The following RYR3 variants were observed in gnomAD, a reference collection of about 807,000 sequenced individuals.
The protein encoded by RYR3 is brain ryanodine receptor-calcium release channel.
Under a neutral mutation model 584.3 loss-of-function variants are expected in RYR3, and 207 were observed. The observed-to-expected ratio is 0.35, with a 90% confidence interval of 0.32 to 0.40. The LOEUF (loss-of-function observed/expected upper bound fraction) is 0.40, where lower values mean the gene tolerates loss of function less well. Among genes scored for constraint, RYR3 ranks in the 10% least tolerant of loss-of-function variants. The probability of loss-of-function intolerance (pLI) is 1.00; values close to 1 mark genes in which losing one functional copy is unlikely to be tolerated. For synonymous variants in RYR3, 2,416 were observed against 2,248.5 expected (o/e 1.07, Z -2.11); for missense variants, 5,616 against 6,089.2 (o/e 0.92, Z 2.59).
At chr15:33,521,410 G>A (rs1262509419) in intron 3 of RYR3, among the ~76,000 whole-genome samples, 3 of 152,080 alleles carry the variant, frequency 2.0e-5, no homozygotes, top group East Asian at 1.9e-4. Context: ...AGGAGATTGC[G>A]CCACCTTCTC....
intron 36 of RYR3, among the ~76,000 whole-genome samples, chr15:33,668,567 A>T (rs926480916): frequency 6.6e-6 from 1 of 152,238 alleles, no homozygotes; most frequent in Admixed American, 6.5e-5. Context: ...AACCTCACCA[A>T]TTAAGCATAA....
chr15:33,373,625 T>G (rs1158996941), intron 1 of RYR3, among the ~76,000 whole-genome samples: 2 of 152,238 alleles, frequency 1.3e-5, no homozygotes, highest in African/African-American at 4.8e-5. Flanking sequence ...AAAAATTGTT[T>G]GTTTGTTTGT....
At chr15:33,375,633 C>A (rs751582933) in intron 1 of RYR3, among the ~76,000 whole-genome samples, 4 of 152,170 alleles carry the variant, frequency 2.6e-5, no homozygotes, top group Non-Finnish European at 5.9e-5. Context: ...GTGATCAGAG[C>A]AAGCCCAGAT....
At chr15:33,429,846 C>T (rs1007568022) in intron 1 of RYR3, among the ~76,000 whole-genome samples, 5 of 152,216 alleles carry the variant, frequency 3.3e-5, no homozygotes, top group Non-Finnish European at 5.9e-5. Context: ...TATTGTATGA[C>T]ATAAACAAGA....
chr15:33,781,771 C>T (rs1014256509), intron 65 of RYR3, among the ~76,000 whole-genome samples: 2 of 151,568 alleles, frequency 1.3e-5, no homozygotes, highest in Non-Finnish European at 2.9e-5. Flanking sequence ...TTCCAAAGTC[C>T]CGTATGAAAT....
intron 12 of RYR3, among the ~76,000 whole-genome samples, 157 bp downstream of exon 12, chr15:33,566,956 C>G (rs951189018): frequency 6.6e-6 from 1 of 152,176 alleles, no homozygotes; most frequent in African/African-American, 2.4e-5. Flanking sequence ...AAACATATTT[C>G]CTACATAGGC....
At chr15:33,450,103 A>AAAAAAAAG (rs1162841636) in intron 1 of RYR3, among the ~76,000 whole-genome samples, 2 of 149,670 alleles carry the variant, frequency 1.3e-5, no homozygotes, top group Non-Finnish European at 3.0e-5. Context: ...AAAAAAAAAA[A>AAAAAAAAG]AAAAAAAAGC....
chr15:33,493,466 T>G (rs1227522014), intron 2 of RYR3, among the ~76,000 whole-genome samples: 1 of 152,202 alleles, frequency 6.6e-6, no homozygotes, highest in Non-Finnish European at 1.5e-5. Context: ...ATTAAGTGGT[T>G]GCTTATTTAT....
At chr15:33,705,370 T>C (rs1438703409) in intron 42 of RYR3, among the ~76,000 whole-genome samples, 1 of 152,180 alleles carries the variant, frequency 6.6e-6, no homozygotes. Context: ...CATCAGCAAG[T>C]AAGTGATTCA....
chr15:33,819,823 C>T lies in RYR3; in HGVS notation c.10758+16C>T, dbSNP rs776432469. On this transcript the variant is annotated intron_variant, in intron 77 of 103. Transcript: ENST00000634891. ...GATGGCCAAGGTACACCCAGGTTTT[C>T]TGCCCATTGTCTCTGTCTTTCTGTC... 3 of 1,581,142 alleles carry T rather than the reference C, an allele frequency of 1.9e-6. No individual in the cohort carries two copies. The highest frequency in any genetic ancestry group is 2.6e-6 in the Non-Finnish European group (3 of 1,159,002).
At position 33,750,161 on chromosome 15, in the gene RYR3, A is replaced by T; in HGVS notation, c.8276-2A>T. 6.2e-7 allele frequency: 1 copy of T among 1,609,390 alleles called. No homozygotes were observed. The highest frequency in any genetic ancestry group is 8.5e-7 in the Non-Finnish European group (1 of 1,177,914). ...TGTCATCTCTCACCTTACTGACCCC[A>T]GGTGGTGGCAGCCACCCTCTTCTGG... On this transcript the variant is annotated splice_acceptor_variant, in intron 56 of 103. Transcript: ENST00000634891. LOFTEE classifies it high-confidence loss of function.
At chr15:33,784,176 T>G (rs939374598) in intron 65 of RYR3, among the ~76,000 whole-genome samples, 1 of 152,232 alleles carries the variant, frequency 6.6e-6, no homozygotes, top group Admixed American at 6.5e-5. Context: ...AGCTGCAGAT[T>G]CATTCTCTCC....
chr15:33,390,888 C>T lies in RYR3; in HGVS notation c.51+79792C>T, dbSNP rs2041953424. 6.6e-6 allele frequency among the ~76,000 whole-genome samples: 1 copy of T among 152,178 alleles called. No homozygotes were observed. The highest frequency in any genetic ancestry group is 6.5e-5 in the Admixed American group (1 of 15,272). The stretch of plus-strand genomic sequence containing the variant: ...TACTTTCAGTTGCTGGAGAAAGGAA[C>T]ATGCTCAGTTGTGTCCCATCACAGG... On this transcript the variant is annotated intron_variant, in intron 1 of 103. Coordinates refer to ENST00000634891, the MANE Select transcript of RYR3 (RefSeq NM_001036.6). The surrounding 1 kb of genome is among the most constrained non-coding windows in gnomAD (Gnocchi z 4.2).
intron 59 of RYR3, among the ~76,000 whole-genome samples, chr15:33,756,608 CA>C (rs1288860830): frequency 1.3e-5 from 2 of 152,254 alleles, no homozygotes; most frequent in African/African-American, 4.8e-5. Context: ...CTTGCTACTC[CA>C]CCATCTCCGG....
intron 2 of RYR3, among the ~76,000 whole-genome samples, chr15:33,474,308 T>C (rs2049182022): frequency 6.6e-6 from 1 of 152,160 alleles, no homozygotes; most frequent in South Asian, 2.1e-4. Flanking sequence ...TAGGTAAGTA[T>C]ATAAGTGTAT....
intron 39 of RYR3, among the ~76,000 whole-genome samples, chr15:33,697,623 G>C (rs1000668394): frequency 6.6e-6 from 1 of 152,042 alleles, no homozygotes; most frequent in Non-Finnish European, 1.5e-5. Flanking sequence ...ATAAAACAAG[G>C]GATGTTTAAT....
At chr15:33,587,819 C>G (rs145756531) in intron 16 of RYR3, among the ~76,000 whole-genome samples, 87 of 152,282 alleles carry the variant, frequency 5.7e-4, no homozygotes, top group African/African-American at 1.8e-3. Flanking sequence ...AAAACAGGTT[C>G]AAACCATCAC....
chr15:33,632,854 G>A (rs2152636340), intron 23 of RYR3, 95 bp from the exon 24 acceptor site: 1 of 1,049,814 alleles, frequency 9.5e-7, no homozygotes, highest in Non-Finnish European at 1.4e-6. Flanking sequence ...AGCCTTATTT[G>A]CGTAGCGTTC....
chr15:33,494,142 C>T (rs1266845729), intron 2 of RYR3, among the ~76,000 whole-genome samples: 16 of 151,804 alleles, frequency 1.1e-4, no homozygotes, highest in Admixed American at 1.0e-3. Context: ...ATTAGCATTT[C>T]TCAGCAAGTC....
Sources: gnomAD v4.1 joint callset for allele counts (sites outside exome capture counted in the v4.1 genomes callset) on GRCh38, gnomAD v4.1.1 for gene constraint, Gnocchi (gnomAD v3.1) non-coding constraint, MANE v1.5 for transcripts, NCBI Gene and HGNC (gene_info 2026-07-23, HGNC 2026-07-21) for gene names.